MPI: variants seen among roughly 807,000 people sequenced by gnomAD.
MPI encodes the protein mannose phosphate isomerase, also known as mannose-6-phosphate isomerase.
A neutral mutation model predicts 40.1 loss-of-function variants in MPI; 33 were observed. The ratio of observed to expected loss-of-function variants is 0.82; its 90% CI spans 0.62 to 1.10. The LOEUF (loss-of-function observed/expected upper bound fraction) is 1.10. MPI is among the 50% of genes least tolerant of loss of function. The pLI, the probability that MPI is intolerant of heterozygous loss-of-function variation, is 0.00. For synonymous variants in MPI, 187 were observed against 207.4 expected (o/e 0.90, Z 0.85); for missense variants, 514 against 524.1 (o/e 0.98, Z 0.19).
intron 2 of MPI, 140 bp downstream of exon 2, chr15:74,890,794 G>A (rs1463951702): frequency 9.0e-6 from 10 of 1,113,746 alleles, no homozygotes; most frequent in Non-Finnish European, 1.2e-5. Flanking sequence ...TAATGGACTA[G>A]ATAGTGTTAT....
chr15:74,890,519 G>T lies in MPI; in HGVS notation c.17-8G>T. 1.2e-6 allele frequency: 2 copies of T among 1,614,072 alleles called. No individual in the cohort carries two copies. Among genetic ancestry groups the T allele is most frequent in the Non-Finnish European group, 1.7e-6 (2 of 1,180,032 alleles). On this transcript the variant is annotated splice_polypyrimidine_tract_variant and splice_region_variant and intron_variant, in intron 1 of 7. Transcript: ENST00000352410. The stretch of plus-strand genomic sequence containing the variant: ...TGGAGTGGCAGCTGACCCTGTCTGT[G>T]CCCCTAGTATTCCCACTTTCCTGTG...
chr15:74,892,019 G>A (rs1249172862), intron 3 of MPI, among the ~76,000 whole-genome samples: 1 of 150,368 alleles, frequency 6.7e-6, no homozygotes, highest in Non-Finnish European at 1.5e-5. Flanking sequence ...TCTGAGACTT[G>A]AGTCTTGCTC....
At chr15:74,892,953 T>A in intron 4 of MPI, 151 bp downstream of exon 4, 1 of 1,369,492 alleles carries the variant, frequency 7.3e-7, no homozygotes, top group Non-Finnish European at 1.0e-6. Flanking sequence ...GCCAGGCCAG[T>A]GAGACCAGGC....
rs1172009411 is a variant in MPI, at chr15:74,898,762, A to G, written c.*1032A>G. ...CACTGTGTTAGCCAGGATGGTCTCG[A>G]TCTTCTGACCTCGTGATCCGCCCAC... On this transcript the variant is annotated 3_prime_UTR_variant, in exon 8 of 8. Coordinates refer to ENST00000352410, the MANE Select transcript of MPI (RefSeq NM_002435.3). 1 of 151,958 alleles carries G rather than the reference A, an allele frequency of 6.6e-6. No individual in the cohort carries two copies. The highest frequency in any genetic ancestry group is 1.5e-5 in the Non-Finnish European group (1 of 68,052). The allele number at this position is 151,958 out of a possible 1,614,324, so 9.4% of individuals were successfully genotyped here.
In MPI at chr15:74,897,797, GC is replaced by G; in HGVS notation, c.*70del. ...ATTCCAGCCAACCTCACCTCCTCGG[GC>G]CCAGCTCAAGCCCCCTTCCTTGCTC... On this transcript the variant is annotated 3_prime_UTR_variant, in exon 8 of 8. Transcript: ENST00000352410. 6.7e-7 allele frequency: 1 copy of G among 1,490,944 alleles called. No individual in the cohort carries two copies. The highest frequency in any genetic ancestry group is 9.3e-7 in the Non-Finnish European group (1 of 1,073,828). 92.4% of individuals were successfully genotyped at this position (1,490,944 alleles called of 1,614,324 possible).
At chr15:74,890,989 G>A in intron 2 of MPI, 1 of 566,392 alleles carries the variant, frequency 1.8e-6, no homozygotes, top group South Asian at 1.5e-5. Flanking sequence ...TGGAGAAAAA[G>A]CCAAAGCATA....
rs574752749 is a variant in MPI, at chr15:74,902,104, G to A, written c.*4374G>A. 1.4e-4 allele frequency: 55 copies of A among 398,650 alleles called. 1 individual carries two copies. In the South Asian group the frequency reaches 6.0e-3, roughly 43 times the overall value. 24.7% of individuals were successfully genotyped at this position (398,650 alleles called of 1,614,324 possible). ...AGGACTCACTTTATGCTGTCTTGAAGGTCAAGCCTGCAAACCATCTTAGAG... is the reference window on the plus strand; with the variant it reads ...AGGACTCACTTTATGCTGTCTTGAAAGTCAAGCCTGCAAACCATCTTAGAG... On this transcript the variant is annotated 3_prime_UTR_variant, in exon 8 of 8. Transcript: ENST00000352410.
intron 1 of MPI, 86 bp downstream of exon 1, chr15:74,890,175 C>T (rs750639575): frequency 1.9e-6 from 3 of 1,560,410 alleles, no homozygotes; most frequent in South Asian, 1.1e-5. Flanking sequence ...AGGTTGAGTC[C>T]GCTCCTGGCA....
intron 2 of MPI, 28 bp downstream of exon 2, chr15:74,890,682 C>A (rs566814310): frequency 1.2e-6 from 2 of 1,611,770 alleles, no homozygotes; most frequent in Non-Finnish European, 1.7e-6. Context: ...TTTCAGCCCA[C>A]TTTACCCGCA....
At chr15:74,890,804 T>C in intron 2 of MPI, 150 bp downstream of exon 2, 1 of 1,041,522 alleles carries the variant, frequency 9.6e-7, no homozygotes, top group South Asian at 1.3e-5. Context: ...GATAGTGTTA[T>C]CAAAAAGAAG....
In MPI at chr15:74,897,528, C is replaced by T; in HGVS notation, c.1070C>T (p.Thr357Ile). 6.2e-7 allele frequency: 1 copy of T among 1,614,070 alleles called. No individual in the cohort carries two copies. Among genetic ancestry groups the T allele is most frequent in the Non-Finnish European group, 8.5e-7 (1 of 1,179,938 alleles). ...IMKTEVPGSV[T>I]EYKVLALDSA... ...CCTGCCCAGGTCCCTGGCTCTGTCA[C>T]TGAATACAAGGTCTTGGCACTGGAC... The change falls in exon 8 of 8, where the codon ACT becomes ATT. Residue 357 changes from threonine to isoleucine, a missense_variant. Transcript: ENST00000352410.
At position 74,890,049 on chromosome 15, in the gene MPI, C is replaced by T. The variant is rs765223097; in HGVS notation, c.-25C>T. ...GGGGCTGCCGGGAAAGGCATACGTG[C>T]TTAATCCTGGTGCAGGGGGCGAGCA... On this transcript the variant is annotated 5_prime_UTR_variant, in exon 1 of 8. Coordinates refer to ENST00000352410, the MANE Select transcript of MPI (RefSeq NM_002435.3). The T allele has an allele frequency of 2.5e-6, 4 of 1,605,336 alleles. No individual in the cohort carries two copies. The highest frequency in any genetic ancestry group is 4.5e-5 in the East Asian group (2 of 44,870).
rs1265892778 is a variant in MPI, at chr15:74,890,081, C to G, written c.8C>G (p.Ala3Gly). Residue 3 changes from alanine (A) to glycine (G), a missense_variant, in exon 1 of 8, where the codon GCT (alanine) becomes GGT (glycine). Transcript: ENST00000352410. ...CTGGTGCAGGGGGCGAGCATGGCCG[C>G]TCCGCGAGGTGAGCCATTGGCTGGG... Reference protein sequence around the residue: MAAPRVFPLSCAV... With the variant: MAGPRVFPLSCAV... 3 of 1,607,762 alleles carry G rather than the reference C, an allele frequency of 1.9e-6. No individual in the cohort carries two copies. The highest frequency in any genetic ancestry group is 1.7e-6 in the Non-Finnish European group (2 of 1,179,974).
intron 2 of MPI, chr15:74,890,938 T>G: frequency 1.7e-6 from 1 of 596,108 alleles, no homozygotes; most frequent in East Asian, 3.5e-5. Flanking sequence ...ACTATTTTTT[T>G]GCATTTTTAT....
rs1423600608 is a variant in MPI, at chr15:74,898,570, G to A, written c.*840G>A. The A allele has an allele frequency of 6.6e-6, 1 of 151,822 alleles. No individual in the cohort carries two copies. The highest frequency in any genetic ancestry group is 1.5e-5 in the Non-Finnish European group (1 of 68,112). 9.4% of individuals were successfully genotyped at this position (151,822 alleles called of 1,614,324 possible). A position where few individuals can be genotyped will look rare whatever the true frequency, so the allele number is the denominator to read the frequency against. On this transcript the variant is annotated 3_prime_UTR_variant, in exon 8 of 8. Coordinates refer to ENST00000352410, the MANE Select transcript of MPI (RefSeq NM_002435.3). ...TTTTTTTTTTTGAGACGGAGTCTCG[G>A]TCTGTAGCCCAGGCTGGAGTGCAGT...
rs919325069 is a variant in MPI, at chr15:74,890,606, C to T, written c.96C>T (p.Ala32=). 1 of 1,614,000 alleles carries T rather than the reference C, an allele frequency of 6.2e-7. No homozygotes were observed. Among genetic ancestry groups the T allele is most frequent in the African/African-American group, 1.3e-5 (1 of 74,898 alleles). ...GSNSEVARLL[A]SSDPLAQIAE... is the part of the protein sequence containing the mutation. ...ACAGCGAAGTGGCGCGGCTGTTGGC[C>T]AGCAGTGATCCACTGGCCCAGATCG... The change falls in exon 2 of 8, where the codon GCC becomes GCT. Residue 32 remains alanine (A), a synonymous_variant. Coordinates refer to ENST00000352410, the MANE Select transcript of MPI (RefSeq NM_002435.3).
At chr15:74,896,786 G>T (rs959203119) in intron 6 of MPI, 3 of 637,812 alleles carry the variant, frequency 4.7e-6, no homozygotes, top group Non-Finnish European at 8.5e-6. Context: ...CAGAGTTGGG[G>T]CTCCCCAACC....
intron 6 of MPI, 27 bp from the exon 7 acceptor site, chr15:74,896,984 C>G: frequency 6.2e-7 from 1 of 1,611,396 alleles, no homozygotes; most frequent in Non-Finnish European, 8.5e-7. Context: ...ACTTCATCAG[C>G]TTAGCACATG....
At chr15:74,892,537 G>C (rs769876246) in intron 3 of MPI, 124 bp from the exon 4 acceptor site, 5 of 1,393,622 alleles carry the variant, frequency 3.6e-6, no homozygotes, top group South Asian at 1.2e-5. Flanking sequence ...CCTTGCCAGA[G>C]GTAGGTAGTC....
Sources: allele counts gnomAD v4.1 joint callset (sites outside exome capture counted in the v4.1 genomes callset), GRCh38; gene constraint gnomAD v4.1.1; transcripts MANE v1.5; gene names NCBI Gene and HGNC (gene_info 2026-07-23, HGNC 2026-07-21).